The following DLG2 variants were observed in gnomAD, a reference collection of about 807,000 sequenced individuals.
DLG2 encodes the protein disks large homolog 2.
DLG2 carries 45 observed loss-of-function variants against 132.5 expected under a neutral mutation model. The observed-to-expected ratio is 0.34, with a 90% CI of 0.27 to 0.44. The LOEUF (loss-of-function observed/expected upper bound fraction) is 0.44. Among genes scored for constraint, DLG2 ranks in the 20% least tolerant of loss-of-function variants. DLG2 has a pLI of 1.00. For missense variants in DLG2, 1,045 were observed against 1,196.9 expected, an observed-to-expected ratio of 0.87 and a Z score of 1.87; for synonymous variants, 424 against 419.6, an observed-to-expected ratio of 1.01 and a Z score of -0.13.
At chr11:85,444,086 A>G (rs1264530493) in intron 3 of DLG2, among the ~76,000 whole-genome samples, 1 of 152,184 alleles carries the variant, frequency 6.6e-6, no homozygotes, top group East Asian at 1.9e-4. Flanking sequence ...CTATTATATG[A>G]TATTCACTCT....
chr11:84,596,353 G>A (rs564669014), intron 6 of DLG2, among the ~76,000 whole-genome samples: 56 of 150,242 alleles, frequency 3.7e-4, no homozygotes, highest in Middle Eastern at 3.5e-3. Context: ...GATTACAGGT[G>A]TGTGTCACCA....
At chr11:85,115,907 G>A (rs902263778) in intron 5 of DLG2, among the ~76,000 whole-genome samples, 9 of 151,900 alleles carry the variant, frequency 5.9e-5, no homozygotes, top group Non-Finnish European at 1.0e-4. Flanking sequence ...AGACTAAATG[G>A]ACAGCAGGGT....
rs565865507 is a variant in DLG2, at chr11:84,393,513, T to C, written c.519+141057A>G. On this transcript the variant is annotated intron_variant, in intron 7 of 27. Coordinates refer to ENST00000376104, the MANE Select transcript of DLG2 (RefSeq NM_001142699.3). ...AGTACAGTTTACCTATTTTGAACTA[T>C]ATAGAAACAGAATCACACAAAATGT... 1.7e-4 allele frequency among the ~76,000 whole-genome samples: 26 copies of C among 152,324 alleles called. No homozygotes were observed. The Middle Eastern group carries it at 0.01, about 60-fold the overall frequency.
chr11:84,497,351 C>G (rs1335063801), intron 7 of DLG2, among the ~76,000 whole-genome samples: 1 of 152,086 alleles, frequency 6.6e-6, no homozygotes, highest in East Asian at 1.9e-4. Context: ...TTGTTCTGAG[C>G]TCTCCCAATA....
At chr11:84,168,567 G>A (rs1208665138) in intron 8 of DLG2, among the ~76,000 whole-genome samples, 3 of 152,152 alleles carry the variant, frequency 2.0e-5, no homozygotes, top group African/African-American at 7.2e-5. Context: ...ATATATTACA[G>A]TGGCTAGCAA....
At chr11:85,056,586 T>TAATGTATA (rs1227820585) in intron 6 of DLG2, among the ~76,000 whole-genome samples, 2 of 151,986 alleles carry the variant, frequency 1.3e-5, no homozygotes, top group African/African-American at 4.8e-5. Flanking sequence ...AGAAGCATTA[T>TAATGTATA]ATGATGTATA....
chr11:84,796,170 G>A (rs1447956148), intron 6 of DLG2, among the ~76,000 whole-genome samples: 1 of 152,106 alleles, frequency 6.6e-6, no homozygotes, highest in Non-Finnish European at 1.5e-5. Flanking sequence ...TCCAAGATGT[G>A]ACTATTATTC....
At chr11:84,869,621 T>C (rs553412524) in intron 6 of DLG2, among the ~76,000 whole-genome samples, 1 of 152,264 alleles carries the variant, frequency 6.6e-6, no homozygotes, top group Admixed American at 6.5e-5. Flanking sequence ...TCAAAAGATA[T>C]ATTAAAGGCT....
chr11:85,435,899 T>A (rs2091453951), intron 3 of DLG2, among the ~76,000 whole-genome samples: 1 of 152,192 alleles, frequency 6.6e-6, no homozygotes, highest in South Asian at 2.1e-4. Flanking sequence ...TCATGTTACC[T>A]GACTTCAAAC....
At chr11:84,914,650 A>G (rs764622214) in intron 6 of DLG2, among the ~76,000 whole-genome samples, 2 of 152,220 alleles carry the variant, frequency 1.3e-5, no homozygotes, top group South Asian at 2.1e-4. Flanking sequence ...GGAATGCCCA[A>G]TGAAGTCATC....
intron 6 of DLG2, among the ~76,000 whole-genome samples, chr11:85,107,927 TAAAAAAAAAAAAAA>T (rs5793156): frequency 7.6e-5 from 2 of 26,270 alleles, no homozygotes; most frequent in African/African-American, 1.6e-4. Context: ...GGACAAGTCT[TAAAAAAAAAAAAAA>T]AAAAAAAAAA....
intron 11 of DLG2, among the ~76,000 whole-genome samples, chr11:83,995,038 C>T (rs572668278): frequency 1.1e-4 from 16 of 149,550 alleles, no homozygotes; most frequent in African/African-American, 3.7e-4. Context: ...ACCAGTACGA[C>T]CTCATCTTAA....
intron 5 of DLG2, among the ~76,000 whole-genome samples, chr11:85,144,270 TTG>T (rs1420395069): frequency 1.3e-5 from 2 of 151,864 alleles, no homozygotes; most frequent in Non-Finnish European, 2.9e-5. Context: ...TAGTTTACAT[TTG>T]TACAGAATAT....
intron 5 of DLG2, among the ~76,000 whole-genome samples, chr11:85,122,835 TACAC>T (rs1293045469): frequency 6.8e-4 from 101 of 148,530 alleles, no homozygotes; most frequent in African/African-American, 2.3e-3. Context: ...TATATATATA[TACAC>T]ACACACACAT....
intron 6 of DLG2, chr11:84,923,528 G>A: frequency 9.7e-7 from 1 of 1,030,478 alleles, no homozygotes; most frequent in Non-Finnish European, 1.2e-6. Context: ...TTATATTTCT[G>A]GAGAGCCCCG....
At chr11:84,359,802 AT>A (rs1171682439) in intron 7 of DLG2, among the ~76,000 whole-genome samples, 1 of 151,910 alleles carries the variant, frequency 6.6e-6, no homozygotes, top group Non-Finnish European at 1.5e-5. Flanking sequence ...TCATCCTACT[AT>A]TAATCTATTA....
rs770562575 is a variant in DLG2, at chr11:84,338,083, C to CA, written c.520-86793dup. Among the ~76,000 whole-genome samples, 211 of 149,722 alleles carry CA rather than the reference C, an allele frequency of 1.4e-3. 1 individual carries two copies. In the East Asian group the frequency reaches 0.031, roughly 22 times the overall value. ...CAATGCTTAGCATACAACTTGGTAC[C>CA]AAAAAAAAATAAGAGAGATATTTAT... On this transcript the variant is annotated intron_variant, in intron 7 of 27. Coordinates refer to ENST00000376104, the MANE Select transcript of DLG2 (RefSeq NM_001142699.3).
intron 16 of DLG2, among the ~76,000 whole-genome samples, chr11:83,843,806 A>T (rs1392777017): frequency 6.6e-6 from 1 of 152,178 alleles, no homozygotes; most frequent in Non-Finnish European, 1.5e-5. Flanking sequence ...GAAAACTGAG[A>T]AGTTTTAAAG....
intron 19 of DLG2, among the ~76,000 whole-genome samples, chr11:83,550,143 A>G (rs2096353122): frequency 6.6e-6 from 1 of 152,174 alleles, no homozygotes; most frequent in South Asian, 2.1e-4. Flanking sequence ...GGTGTTGGCA[A>G]ATGTCCATTT....
Sources: allele counts gnomAD v4.1 joint callset (sites outside exome capture counted in the v4.1 genomes callset), GRCh38; gene constraint gnomAD v4.1.1; transcripts MANE v1.5; gene names NCBI Gene and HGNC (gene_info 2026-07-23, HGNC 2026-07-21).